The following BCL6 variants were observed in gnomAD, a reference collection of about 807,000 sequenced individuals.
The protein encoded by BCL6 is BCL6 transcription repressor.
BCL6 carries 7 observed loss-of-function variants against 59.5 expected under a neutral mutation model. The ratio of observed to expected loss-of-function variants is 0.12; its 90% CI spans 0.07 to 0.22. The LOEUF is 0.22. Ranked by LOEUF, BCL6 falls within the 10% of genes least tolerant of loss-of-function variation. The probability of loss-of-function intolerance (pLI) is 1.00; values close to 1 mark genes in which losing one functional copy is unlikely to be tolerated. For missense variants in BCL6, 685 were observed against 939.4 expected (o/e 0.73, Z 3.54); for synonymous variants, 339 against 349.7 (o/e 0.97, Z 0.34).
At chr3:187,723,842 G>C (rs186904876) in intron 9 of BCL6, among the ~76,000 whole-genome samples, 1 of 152,228 alleles carries the variant, frequency 6.6e-6, no homozygotes, top group Non-Finnish European at 1.5e-5. Context: ...GATATCCTAG[G>C]CATCTAAAAT....
intron 1 of BCL6, among the ~76,000 whole-genome samples, chr3:187,740,476 C>A (rs1711546330): frequency 6.6e-6 from 1 of 152,080 alleles, no homozygotes; most frequent in African/African-American, 2.4e-5. Flanking sequence ...TGCTGGGGAG[C>A]GGTTTCCAAT....
At chr3:187,730,706 T>C (rs949171404) in intron 4 of BCL6, among the ~76,000 whole-genome samples, 2 of 152,180 alleles carry the variant, frequency 1.3e-5, no homozygotes, top group African/African-American at 4.8e-5. Context: ...CTGAAAGTAC[T>C]TGTAAATGAC....
At position 187,745,454 on chromosome 3, in the gene BCL6, A is replaced by C. The variant is rs1711911743; in HGVS notation, c.-94T>G. 1 of 399,490 alleles carries C rather than the reference A, an allele frequency of 2.5e-6. No individual in the cohort carries two copies. The allele number at this position is 399,490 out of a possible 1,614,324, so 24.7% of individuals were successfully genotyped here. On this transcript the variant is annotated 5_prime_UTR_variant, in exon 1 of 10. Coordinates refer to ENST00000406870, the MANE Select transcript of BCL6 (RefSeq NM_001706.5). ...AGAAACTTCTTGCATCACCACTTCT[A>C]AGAACCCCAGTTCTAAGAATCAACA...
chr3:187,725,903 G>A lies in BCL6; in HGVS notation c.1709-274C>T, dbSNP rs1718667974. Among the ~76,000 whole-genome samples the A allele has an allele frequency of 6.6e-6, 1 of 152,210 alleles. No homozygotes were observed. The highest frequency in any genetic ancestry group is 2.4e-5 in the African/African-American group (1 of 41,458). ...AATGCCAGGTGTGGGATAGGAGAGG[G>A]GGAGATTCCAGGAAGCCTGGGCTTT... On this transcript the variant is annotated intron_variant, in intron 7 of 9. Coordinates refer to ENST00000406870, the MANE Select transcript of BCL6 (RefSeq NM_001706.5). The surrounding 1 kb of genome is among the most constrained non-coding windows in gnomAD (Gnocchi z 4.7).
At chr3:187,732,014 C>T in intron 3 of BCL6, 84 bp from the exon 4 acceptor site, 1 of 1,171,720 alleles carries the variant, frequency 8.5e-7, no homozygotes, top group Non-Finnish European at 1.2e-6. Flanking sequence ...CAGCCCCTTT[C>T]CCCTGGGCCT....
At position 187,725,509 on chromosome 3, in the gene BCL6, C is replaced by T; in HGVS notation, c.1829G>A (p.Arg610Lys). The T allele has an allele frequency of 6.2e-7, 1 of 1,614,118 alleles. No homozygotes were observed. The highest frequency in any genetic ancestry group is 8.5e-7 in the Non-Finnish European group (1 of 1,180,030). ...GCCCACTCTGCTCACCTGTACAAAT[C>T]TGGCTCCGCAGGTTTCGCATTTGTA... ...KPYKCETCGARFVQVAHLRAH... is the reference protein window; with the variant it reads ...KPYKCETCGAKFVQVAHLRAH... Residue 610 changes from arginine to lysine, a missense_variant, in exon 8 of 10, where the codon AGA becomes AAA. This residue lies in a region of BCL6 where 42 missense variants were observed against 101.7 expected (regional missense o/e 0.41). Coordinates refer to ENST00000406870, the MANE Select transcript of BCL6 (RefSeq NM_001706.5). This position sits in a 1 kb window ranked among gnomAD's most constrained non-coding sequence, Gnocchi z 4.7.
At chr3:187,736,415 C>T (rs1719283126) in intron 1 of BCL6, 2 of 152,186 alleles carry the variant, frequency 1.3e-5, no homozygotes, top group Non-Finnish European at 2.9e-5. Context: ...TAAAAACTTT[C>T]CTCTCTTCCT....
chr3:187,722,545 G>A lies in BCL6; in HGVS notation c.2034C>T (p.Arg678=), dbSNP rs1259686153. ...RHKSQLRLHL[R]QKHGAITNTK... ...TGTTGGTGATGGCGCCATGCTTCTG[G>A]CGCAAGTGAAGTCGCAGCTGGCTTT... The change falls in exon 10 of 10, where the codon CGC becomes CGT. Residue 678 remains arginine (R), a synonymous_variant. Transcript: ENST00000406870. 2 of 1,613,976 alleles carry A rather than the reference G, an allele frequency of 1.2e-6. No homozygotes were observed. Among genetic ancestry groups the A allele is most frequent in the African/African-American group, 2.7e-5 (2 of 75,054 alleles).
chr3:187,725,413 C>T lies in BCL6; in HGVS notation c.1839+86G>A. 1.3e-6 allele frequency: 2 copies of T among 1,576,086 alleles called. No individual in the cohort carries two copies. The highest frequency in any genetic ancestry group is 1.2e-5 in the South Asian group (1 of 86,720). On this transcript the variant is annotated intron_variant, in intron 8 of 9. Coordinates refer to ENST00000406870, the MANE Select transcript of BCL6 (RefSeq NM_001706.5). The surrounding 1 kb of genome is among the most constrained non-coding windows in gnomAD (Gnocchi z 4.7). ...TGCCTGCCCGCTCCACTTGCCTGCCCACTCCTCCGCTTGCCTGCCCACTCC... is the reference window on the plus strand; with the variant it reads ...TGCCTGCCCGCTCCACTTGCCTGCCTACTCCTCCGCTTGCCTGCCCACTCC...
Position 187,734,172 on chromosome 3 carries a change from C to G in BCL6, c.-10-469G>C, listed in dbSNP as rs182231243. Reference sequence around the variant, plus strand: ...TCTCCTGCCTCGGTCTCCCGAGTAGCTGGGATTACAGGTGCCTGCCACCAT... The same window carrying G: ...TCTCCTGCCTCGGTCTCCCGAGTAGGTGGGATTACAGGTGCCTGCCACCAT... On this transcript the variant is annotated intron_variant, in intron 2 of 9. Transcript: ENST00000406870. Among the ~76,000 whole-genome samples, 311 of 152,310 alleles carry G rather than the reference C, an allele frequency of 2.0e-3. 2 individuals are homozygous for G. The highest frequency in any genetic ancestry group is 5.1e-3 in the African/African-American group (211 of 41,568).
intron 9 of BCL6, among the ~76,000 whole-genome samples, chr3:187,723,868 T>C (rs1447858417): frequency 6.6e-6 from 1 of 152,254 alleles, no homozygotes; most frequent in Non-Finnish European, 1.5e-5. Flanking sequence ...CAAATCATGA[T>C]AGCAGATATT....
chr3:187,742,749 T>C (rs888816861), intron 1 of BCL6, among the ~76,000 whole-genome samples: 2 of 152,176 alleles, frequency 1.3e-5, no homozygotes, highest in African/African-American at 4.8e-5. Context: ...GGAATGCCCA[T>C]CTCCTGGTAC....
chr3:187,739,635 A>G (rs1224069181), intron 1 of BCL6, among the ~76,000 whole-genome samples: 1 of 152,190 alleles, frequency 6.6e-6, no homozygotes, highest in East Asian at 1.9e-4. Context: ...GATGTGTTTT[A>G]TCATCAAGAT....
chr3:187,744,891 A>C (rs568969620), intron 1 of BCL6, among the ~76,000 whole-genome samples: 2 of 152,270 alleles, frequency 1.3e-5, no homozygotes, highest in Admixed American at 6.5e-5. Flanking sequence ...AGCCGTACGC[A>C]AGCAGCAGCA....
chr3:187,732,746 A>G (rs1328536845), intron 3 of BCL6, among the ~76,000 whole-genome samples: 15 of 152,250 alleles, frequency 9.9e-5, no homozygotes, highest in Admixed American at 9.8e-4. Context: ...AAAAATGTAA[A>G]GGATATAGAA....
At chr3:187,731,634 G>T in intron 4 of BCL6, 75 bp downstream of exon 4, 1 of 1,419,700 alleles carries the variant, frequency 7.0e-7, no homozygotes, top group Non-Finnish European at 9.9e-7. Flanking sequence ...TTTTCTGTAT[G>T]CATGAATTAT....
chr3:187,743,405 T>A (rs1351889547), intron 1 of BCL6, among the ~76,000 whole-genome samples: 7 of 151,996 alleles, frequency 4.6e-5, no homozygotes, highest in Admixed American at 4.6e-4. Flanking sequence ...CTGTGACAGC[T>A]TGGGACTTTC....
intron 3 of BCL6, 38 bp from the exon 4 acceptor site, chr3:187,731,968 T>C (rs1355140105): frequency 6.4e-7 from 1 of 1,559,128 alleles, no homozygotes; most frequent in Admixed American, 1.7e-5. Flanking sequence ...AGTAGACATA[T>C]CGAATCTGTG....
At position 187,742,668 on chromosome 3, in the gene BCL6, G is replaced by A. The variant is rs568554568; in HGVS notation, c.-50+2742C>T. ...CTTGGGGTGGCGGGCGGGGCGGGGA[G>A]GTGGAGAGAGAGTTGCCATCTACAG... On this transcript the variant is annotated intron_variant, in intron 1 of 9. Transcript: ENST00000406870. Among the ~76,000 whole-genome samples, 8 of 152,130 alleles carry A rather than the reference G, an allele frequency of 5.3e-5. No homozygotes were observed. The South Asian group carries it at 1.7e-3, about 32-fold the overall frequency.
Sources: gnomAD v4.1 joint callset for allele counts (sites outside exome capture counted in the v4.1 genomes callset) on GRCh38, gnomAD v4.1.1 for gene constraint, gnomAD v4.1.1 regional missense constraint, Gnocchi (gnomAD v3.1) non-coding constraint, MANE v1.5 for transcripts, NCBI Gene and HGNC (gene_info 2026-07-23, HGNC 2026-07-21) for gene names.